Variants in HMCN1 observed in about 807,000 individuals in gnomAD.
The protein encoded by HMCN1 is hemicentin-1.
Under a neutral mutation model 625.9 loss-of-function variants are expected in HMCN1, and 321 were observed. The ratio of observed to expected loss-of-function variants is 0.51; its 90% CI spans 0.47 to 0.56. The LOEUF is 0.56. Ranked by LOEUF, HMCN1 falls within the 20% of genes least tolerant of loss-of-function variation. HMCN1 has a pLI of 0.00. For synonymous variants in HMCN1, 2,425 were observed against 2,417.6 expected, an observed-to-expected ratio of 1.00 and a Z score of -0.09; for missense variants, 6,588 against 6,887.3, an observed-to-expected ratio of 0.96 and a Z score of 1.54.
chr1:186,149,878 T>G (rs1222656210), intron 93 of HMCN1, among the ~76,000 whole-genome samples: 1 of 152,124 alleles, frequency 6.6e-6, no homozygotes, highest in East Asian at 1.9e-4. Context: ...GATGGAGCAG[T>G]CAGAACACAC....
intron 54 of HMCN1, among the ~76,000 whole-genome samples, chr1:186,077,123 C>T (rs1162222892): frequency 6.6e-6 from 1 of 152,074 alleles, no homozygotes; most frequent in Non-Finnish European, 1.5e-5. Flanking sequence ...TTTTAACAAG[C>T]ATTCAGATAT....
At chr1:186,071,535 G>A (rs1006271418) in intron 52 of HMCN1, among the ~76,000 whole-genome samples, 3 of 152,166 alleles carry the variant, frequency 2.0e-5, no homozygotes, top group East Asian at 3.8e-4. Context: ...ATGTGAAACG[G>A]CTAAGCTGCT....
rs1434648936 is a variant in HMCN1, at chr1:186,187,897, CTG to C, written c.16430_16431del (p.Leu5477ArgfsTer47). On this transcript the variant is annotated frameshift_variant, in exon 106 of 107. Transcript: ENST00000271588. LOFTEE classifies it high-confidence loss of function. ...GKTCQDIDEC[L>X]EQNVHCGPNR... is the part of the protein sequence containing the mutation. ...GCTGTCCCTAGATATCGATGAATGT[CTG>C]GAGCAGAATGTGCACTGTGGACCCA... 2 of 1,613,618 alleles carry C rather than the reference CTG, an allele frequency of 1.2e-6. No individual in the cohort carries two copies. Among genetic ancestry groups the C allele is most frequent in the Non-Finnish European group, 1.7e-6 (2 of 1,179,748 alleles).
intron 2 of HMCN1, among the ~76,000 whole-genome samples, chr1:185,860,425 C>T (rs1176651496): frequency 3.3e-5 from 5 of 152,076 alleles, no homozygotes; most frequent in South Asian, 2.1e-4. Flanking sequence ...GATATATAAG[C>T]ACATCCAGTC....
chr1:186,151,055 TTCAC>T, intron 93 of HMCN1, 141 bp from the exon 94 acceptor site: 3 of 733,218 alleles, frequency 4.1e-6, no homozygotes, highest in Non-Finnish European at 6.9e-6. Context: ...GCTTATTTAT[TTCAC>T]TATTAAATTC....
At chr1:185,962,393 G>A in intron 11 of HMCN1, 125 bp from the exon 12 acceptor site, 1 of 778,438 alleles carries the variant, frequency 1.3e-6, no homozygotes, top group South Asian at 1.4e-5. Flanking sequence ...TCTGTGATGG[G>A]GTTCATCCAT....
At chr1:185,987,677 T>A (rs1337623329) in intron 20 of HMCN1, 133 bp downstream of exon 20, 3 of 740,118 alleles carry the variant, frequency 4.1e-6, no homozygotes, top group Non-Finnish European at 7.4e-6. Context: ...ATTTCCTATG[T>A]GGCTGGACAG....
intron 1 of HMCN1, among the ~76,000 whole-genome samples, chr1:185,750,682 CTATTTT>C (rs1451036106): frequency 6.6e-6 from 1 of 151,992 alleles, no homozygotes; most frequent in Non-Finnish European, 1.5e-5. Context: ...TATTTTCAAA[CTATTTT>C]TATAGTCAAA....
intron 36 of HMCN1, among the ~76,000 whole-genome samples, chr1:186,037,657 T>C (rs1655925765): frequency 6.6e-6 from 1 of 152,168 alleles, no homozygotes; most frequent in African/African-American, 2.4e-5. Context: ...AAATAAAAAA[T>C]GTTTCTTTAA....
chr1:185,738,870 T>C (rs2102064180), intron 1 of HMCN1, among the ~76,000 whole-genome samples: 1 of 152,360 alleles, frequency 6.6e-6, no homozygotes, highest in East Asian at 1.9e-4. Context: ...CTTCTTTTTT[T>C]CCTTCCAACT....
At chr1:185,743,308 T>C (rs1386235031) in intron 1 of HMCN1, among the ~76,000 whole-genome samples, 1 of 152,234 alleles carries the variant, frequency 6.6e-6, no homozygotes, top group East Asian at 1.9e-4. Flanking sequence ...AGTAGAAGAA[T>C]ACAATTCACA....
intron 18 of HMCN1, among the ~76,000 whole-genome samples, chr1:185,983,080 A>G (rs534603302): frequency 2.0e-5 from 3 of 152,254 alleles, no homozygotes; most frequent in South Asian, 4.1e-4. Flanking sequence ...TCCATTTTAT[A>G]TATCAATCTT....
At chr1:185,993,461 G>A (rs568834551) in intron 23 of HMCN1, 152 bp downstream of exon 23, 1 of 760,792 alleles carries the variant, frequency 1.3e-6, no homozygotes, top group African/African-American at 1.8e-5. Flanking sequence ...ATTTTCTTTT[G>A]TTTACTCTGA....
chr1:185,834,193 A>G (rs1476373206), intron 1 of HMCN1, among the ~76,000 whole-genome samples: 1 of 152,198 alleles, frequency 6.6e-6, no homozygotes, highest in Non-Finnish European at 1.5e-5. Context: ...GTAGCTATCT[A>G]CTGTTGCATA....
intron 1 of HMCN1, among the ~76,000 whole-genome samples, chr1:185,748,711 T>C (rs1413286182): frequency 6.6e-6 from 1 of 152,216 alleles, no homozygotes; most frequent in African/African-American, 2.4e-5. Flanking sequence ...CTCAAAGCCT[T>C]AGTTTCCTTA....
intron 80 of HMCN1, among the ~76,000 whole-genome samples, chr1:186,122,247 T>A (rs1233531746): frequency 1.3e-5 from 2 of 152,162 alleles, no homozygotes; most frequent in African/African-American, 4.8e-5. Flanking sequence ...TTCAACCAAA[T>A]AATTTTGTTG....
chr1:185,869,855 T>G (rs909854299), intron 4 of HMCN1, among the ~76,000 whole-genome samples: 5 of 152,148 alleles, frequency 3.3e-5, no homozygotes, highest in African/African-American at 1.2e-4. Context: ...AAGCCACACA[T>G]GCACTGAGTC....
At chr1:185,785,971 C>T (rs1350258445) in intron 1 of HMCN1, among the ~76,000 whole-genome samples, 1 of 152,130 alleles carries the variant, frequency 6.6e-6, no homozygotes, top group Non-Finnish European at 1.5e-5. Context: ...AATTGGGTGA[C>T]CTGGTACCTA....
At chr1:186,150,606 T>C (rs1019306671) in intron 93 of HMCN1, among the ~76,000 whole-genome samples, 2 of 152,140 alleles carry the variant, frequency 1.3e-5, no homozygotes, top group Non-Finnish European at 2.9e-5. Flanking sequence ...CACGTTTACA[T>C]TGGCAGTGGC....
Sources: allele counts gnomAD v4.1 joint callset (sites outside exome capture counted in the v4.1 genomes callset), GRCh38; gene constraint gnomAD v4.1.1; transcripts MANE v1.5; gene names NCBI Gene and HGNC (gene_info 2026-07-23, HGNC 2026-07-21).